NTNG1: variants seen among roughly 807,000 people sequenced by gnomAD.
NTNG1 encodes netrin-G1.
In NTNG1, 16 loss-of-function variants were observed where a neutral mutation model predicts 54.0. The observed-to-expected ratio is 0.30, with a 90% CI of 0.20 to 0.45. The LOEUF (loss-of-function observed/expected upper bound fraction) is 0.45. NTNG1 is among the 20% of genes least tolerant of loss of function. The pLI is 1.00. For synonymous variants in NTNG1, 255 were observed against 263.1 expected (o/e 0.97, Z 0.30); for missense variants, 530 against 678.7 (o/e 0.78, Z 2.43).
At chr1:107,265,864 A>T (rs1009694745) in intron 2 of NTNG1, among the ~76,000 whole-genome samples, 3 of 152,172 alleles carry the variant, frequency 2.0e-5, no homozygotes, top group Non-Finnish European at 4.4e-5. Context: ...TTGGCCTCCT[A>T]CCAGGAGGTG....
chr1:107,257,574 C>T (rs1193217387), intron 2 of NTNG1, among the ~76,000 whole-genome samples: 7 of 152,188 alleles, frequency 4.6e-5, no homozygotes, highest in African/African-American at 1.4e-4. Flanking sequence ...TACACAGCGG[C>T]TCCAGTCACC....
chr1:107,353,279 A>C (rs1221551725), intron 3 of NTNG1, among the ~76,000 whole-genome samples: 2 of 152,038 alleles, frequency 1.3e-5, no homozygotes, highest in African/African-American at 4.8e-5. Context: ...ATCAGCCAAA[A>C]CTGTTAGAAA....
intron 2 of NTNG1, among the ~76,000 whole-genome samples, chr1:107,191,120 T>A (rs140578934): frequency 3.6e-4 from 53 of 146,394 alleles, no homozygotes; most frequent in Admixed American, 4.1e-4. Context: ...ATCGCCATTC[T>A]AACCGGTGTG....
intron 1 of NTNG1, among the ~76,000 whole-genome samples, chr1:107,146,206 T>C (rs960631177): frequency 1.1e-4 from 17 of 152,116 alleles, no homozygotes; most frequent in Non-Finnish European, 2.2e-4. Flanking sequence ...GATTATATCA[T>C]TCTTGATAAA....
intron 3 of NTNG1, among the ~76,000 whole-genome samples, chr1:107,361,052 A>G (rs1020949101): frequency 1.1e-4 from 17 of 149,734 alleles, no homozygotes; most frequent in African/African-American, 4.2e-4. Context: ...ATATGGAAGT[A>G]CATAGCTCCA....
chr1:107,335,693 C>T (rs558461256), intron 3 of NTNG1, among the ~76,000 whole-genome samples: 15 of 150,708 alleles, frequency 1.0e-4, no homozygotes, highest in African/African-American at 2.0e-4. Context: ...CTCATTGTAT[C>T]GTCAGAAAAA....
At chr1:107,307,241 G>C (rs577363717) in intron 2 of NTNG1, among the ~76,000 whole-genome samples, 1 of 152,150 alleles carries the variant, frequency 6.6e-6, no homozygotes, top group Admixed American at 6.5e-5. Flanking sequence ...GGCTTATTCT[G>C]TGTATTCTAT....
At chr1:107,394,054 G>A (rs1057448941) in intron 3 of NTNG1, among the ~76,000 whole-genome samples, 1 of 151,210 alleles carries the variant, frequency 6.6e-6, no homozygotes, top group Non-Finnish European at 1.5e-5. Flanking sequence ...CACACACACT[G>A]TCAATCTCTC....
At chr1:107,297,809 C>A (rs940705919) in intron 2 of NTNG1, among the ~76,000 whole-genome samples, 2 of 152,234 alleles carry the variant, frequency 1.3e-5, no homozygotes, top group Admixed American at 6.5e-5. Context: ...TAAATCTGAT[C>A]TATTTCATGA....
intron 3 of NTNG1, among the ~76,000 whole-genome samples, chr1:107,327,183 A>T (rs1054709892): frequency 3.9e-5 from 6 of 152,184 alleles, no homozygotes; most frequent in Non-Finnish European, 8.8e-5. Flanking sequence ...TGTCACCTCC[A>T]GACTTTGTCC....
chr1:107,154,242 A>G (rs754790492), intron 2 of NTNG1, among the ~76,000 whole-genome samples: 2 of 152,250 alleles, frequency 1.3e-5, no homozygotes, highest in Admixed American at 6.5e-5. Flanking sequence ...CACTTGGAAA[A>G]TACTATCTGG....
chr1:107,167,995 G>A (rs1570749958), intron 2 of NTNG1, among the ~76,000 whole-genome samples: 1 of 152,046 alleles, frequency 6.6e-6, no homozygotes, highest in East Asian at 1.9e-4. Flanking sequence ...GAAGGCATTG[G>A]GCTATTGACA....
intron 7 of NTNG1, among the ~76,000 whole-genome samples, chr1:107,468,698 A>C (rs1442928432): frequency 6.6e-6 from 1 of 152,254 alleles, no homozygotes; most frequent in Admixed American, 6.5e-5. Flanking sequence ...ATTAAATAAA[A>C]AAAGTCACTG....
chr1:107,462,020 G>T (rs900835003), intron 7 of NTNG1, among the ~76,000 whole-genome samples: 9 of 152,182 alleles, frequency 5.9e-5, no homozygotes, highest in African/African-American at 2.2e-4. Flanking sequence ...TTAGTGGCTT[G>T]GACCATTAGG....
chr1:107,430,896 G>T lies in NTNG1; in HGVS notation c.1234G>T (p.Asp412Tyr). Residue 412 changes from aspartate to tyrosine, a missense_variant, in exon 6 of 8, where the codon GAC becomes TAC. Asp to Tyr is a radical substitution (Grantham distance 160). Around this residue, in one of 2 missense-constraint regions of NTNG1, gnomAD observed 212 missense variants for 213.6 expected, o/e 0.99. Transcript: ENST00000370068. ...GYFRNASAQL[D>Y]DENVCIECYC... is the part of the protein sequence containing the mutation. ...CTTCAGAAATGCTTCTGCACAACTG[G>T]ACGATGAGAATGTGTGCATAGGTCA... 6.2e-7 allele frequency: 1 copy of T among 1,613,034 alleles called. No individual in the cohort carries two copies.
chr1:107,361,938 T>A (rs1437804094), intron 3 of NTNG1, among the ~76,000 whole-genome samples: 3 of 152,050 alleles, frequency 2.0e-5, no homozygotes, highest in African/African-American at 7.2e-5. Flanking sequence ...GCTGACAGGG[T>A]CCATGGAGTA....
At chr1:107,469,119 C>T (rs1025387771) in intron 7 of NTNG1, among the ~76,000 whole-genome samples, 14 of 140,748 alleles carry the variant, frequency 9.9e-5, no homozygotes, top group Non-Finnish European at 4.7e-5. Flanking sequence ...AAAAAAACAA[C>T]GAAAGGAGCG....
chr1:107,316,250 C>T (rs1667330894), intron 2 of NTNG1, among the ~76,000 whole-genome samples: 1 of 152,296 alleles, frequency 6.6e-6, no homozygotes, highest in South Asian at 2.1e-4. Flanking sequence ...GTGCTATCTT[C>T]TACCTAGAAG....
At chr1:107,372,249 T>G (rs1299738015) in intron 3 of NTNG1, among the ~76,000 whole-genome samples, 1 of 152,076 alleles carries the variant, frequency 6.6e-6, no homozygotes, top group Non-Finnish European at 1.5e-5. Flanking sequence ...TTTTCTAGTT[T>G]CTTAAGATGG....
Sources: gnomAD v4.1 joint callset for allele counts (sites outside exome capture counted in the v4.1 genomes callset) on GRCh38, gnomAD v4.1.1 for gene constraint, gnomAD v4.1.1 regional missense constraint, MANE v1.5 for transcripts, NCBI Gene and HGNC (gene_info 2026-07-23, HGNC 2026-07-21) for gene names.